The following ATXN7 variants were observed in gnomAD, a reference collection of about 807,000 sequenced individuals.
ATXN7 encodes ataxin-7.
A neutral mutation model predicts 70.5 loss-of-function variants in ATXN7; 12 were observed. That is an observed-to-expected ratio of 0.17 (90% CI 0.11 to 0.28). The LOEUF is 0.28. ATXN7 is among the 10% of genes least tolerant of loss of function. The probability of loss-of-function intolerance (pLI) is 1.00; values close to 1 mark genes in which losing one functional copy is unlikely to be tolerated. For synonymous variants in ATXN7, 498 were observed against 448.7 expected, an observed-to-expected ratio of 1.11 and a Z score of -1.39; for missense variants, 1,256 against 1,131.7, an observed-to-expected ratio of 1.11 and a Z score of -1.58.
At chr3:63,872,684 G>C (rs1442266762) in intron 1 of ATXN7, among the ~76,000 whole-genome samples, 1 of 152,192 alleles carries the variant, frequency 6.6e-6, no homozygotes, top group African/African-American at 2.4e-5. Context: ...GCACAGGATA[G>C]CCTACAGGGA....
intron 8 of ATXN7, among the ~76,000 whole-genome samples, chr3:63,987,730 G>T (rs538716908): frequency 1.3e-5 from 2 of 152,090 alleles, no homozygotes; most frequent in Non-Finnish European, 2.9e-5. Context: ...CCAAATTGCT[G>T]TTGTGTCACA....
chr3:63,954,267 T>C (rs770507078), intron 5 of ATXN7, among the ~76,000 whole-genome samples: 3 of 152,188 alleles, frequency 2.0e-5, no homozygotes, highest in Non-Finnish European at 2.9e-5. Context: ...CTGCCACATA[T>C]GGCTGCACAG....
At chr3:63,990,639 T>TGTC in intron 10 of ATXN7, 99 bp from the exon 11 acceptor site, 1 of 1,571,822 alleles carries the variant, frequency 6.4e-7, no homozygotes. Flanking sequence ...GAGGCAGTTC[T>TGTC]GTCTTTCCTG....
chr3:63,936,917 A>G (rs960637121), intron 4 of ATXN7, among the ~76,000 whole-genome samples: 1 of 152,212 alleles, frequency 6.6e-6, no homozygotes, highest in Non-Finnish European at 1.5e-5. Flanking sequence ...AGCTTATAGT[A>G]AAGAATGAAA....
intron 5 of ATXN7, among the ~76,000 whole-genome samples, chr3:63,975,123 A>G (rs989908405): frequency 1.3e-5 from 2 of 152,214 alleles, no homozygotes; most frequent in African/African-American, 4.8e-5. Context: ...TTCTTAGTAT[A>G]TCGGTGGCTT....
intron 5 of ATXN7, chr3:63,967,971 A>G: frequency 1.3e-6 from 2 of 1,535,372 alleles, no homozygotes; most frequent in Middle Eastern, 1.7e-4. Context: ...TGAAAGCTCC[A>G]CTGGGTAAGT....
At chr3:63,942,109 T>G (rs1014755921) in intron 4 of ATXN7, among the ~76,000 whole-genome samples, 1 of 152,206 alleles carries the variant, frequency 6.6e-6, no homozygotes, top group African/African-American at 2.4e-5. Context: ...CGCAGGAGTC[T>G]GCTGGCAGAT....
chr3:63,901,147 G>A (rs1703626501), intron 2 of ATXN7: 1 of 152,218 alleles, frequency 6.6e-6, no homozygotes, highest in Middle Eastern at 3.4e-3. Context: ...AGTAAAAATT[G>A]GATATGTTTA....
In ATXN7 at chr3:63,912,721, G is replaced by C. The variant is rs1704093082; in HGVS notation, c.123G>C (p.Pro41=). The stretch of plus-strand genomic sequence containing the variant: ...AGCAGCAGCAGCAGCAGCAGCCGCC[G>C]CCTCCGCAGCCCCAGCGGCAGCAGC... ...QQQQQQQQQP[P]PPQPQRQQHP... is the part of the protein sequence containing the mutation. The change falls in exon 3 of 13, where the codon CCG becomes CCC. Residue 41 remains proline, a synonymous_variant. Coordinates refer to ENST00000674280, the MANE Select transcript of ATXN7 (RefSeq NM_001377405.1). The C allele has an allele frequency of 2.4e-6, 3 of 1,234,282 alleles. No homozygotes were observed. The highest frequency in any genetic ancestry group is 3.2e-5 in the South Asian group (1 of 31,608). The allele number at this position is 1,234,282 out of a possible 1,614,324, so 76.5% of individuals were successfully genotyped here. A position where few individuals can be genotyped will look rare whatever the true frequency, so the allele number is the denominator to read the frequency against.
At chr3:63,933,007 C>T (rs1033692061) in intron 4 of ATXN7, among the ~76,000 whole-genome samples, 3 of 152,340 alleles carry the variant, frequency 2.0e-5, no homozygotes, top group Non-Finnish European at 2.9e-5. Context: ...CTTTTACCGA[C>T]AGTCCTACAG....
chr3:63,863,814 C>T (rs1702309355), upstream of ATXN7: 2 of 1,234,142 alleles, frequency 1.6e-6, no homozygotes, highest in African/African-American at 3.2e-5. Flanking sequence ...GCGGCGGCGG[C>T]GGCGGCGGCG....
intron 11 of ATXN7, among the ~76,000 whole-genome samples, chr3:63,991,505 AG>A (rs1425264577): frequency 1.3e-5 from 2 of 152,148 alleles, no homozygotes; most frequent in Non-Finnish European, 2.9e-5. Context: ...GAGAAACAGC[AG>A]TCACTGGGAC....
At chr3:63,994,753 C>T (rs144927153) in intron 11 of ATXN7, among the ~76,000 whole-genome samples, 49 of 152,272 alleles carry the variant, frequency 3.2e-4, no homozygotes, top group African/African-American at 1.1e-3. Flanking sequence ...TCTGCCACCT[C>T]GGTTTAAATT....
intron 11 of ATXN7, among the ~76,000 whole-genome samples, chr3:63,993,698 C>G (rs997028610): frequency 2.0e-5 from 3 of 152,136 alleles, no homozygotes; most frequent in Admixed American, 1.3e-4. Context: ...GATTGCCTCC[C>G]GGAGAGATCC....
chr3:63,956,625 A>G (rs536273040), intron 5 of ATXN7, among the ~76,000 whole-genome samples: 3 of 152,210 alleles, frequency 2.0e-5, no homozygotes, highest in Admixed American at 6.5e-5. Context: ...TCTGCATTCT[A>G]AACAGCTCCC....
chr3:63,930,691 G>A (rs377663248), intron 4 of ATXN7, among the ~76,000 whole-genome samples: 1 of 152,058 alleles, frequency 6.6e-6, no homozygotes, highest in South Asian at 2.1e-4. Flanking sequence ...ACCACGCCCG[G>A]CTAATTTTTT....
At chr3:63,975,907 C>A (rs2075381545) in intron 5 of ATXN7, among the ~76,000 whole-genome samples, 1 of 152,210 alleles carries the variant, frequency 6.6e-6, no homozygotes, top group Non-Finnish European at 1.5e-5. Context: ...TGTCTCTGCT[C>A]TTTTCTTGTG....
At chr3:63,918,767 T>C (rs1047819663) in intron 4 of ATXN7, among the ~76,000 whole-genome samples, 2 of 152,210 alleles carry the variant, frequency 1.3e-5, no homozygotes, top group East Asian at 1.9e-4. Flanking sequence ...TTATATCTTA[T>C]GTGCAGATAT....
At chr3:63,943,033 A>T (rs1393114452) in intron 4 of ATXN7, among the ~76,000 whole-genome samples, 1 of 152,188 alleles carries the variant, frequency 6.6e-6, no homozygotes, top group Non-Finnish European at 1.5e-5. Context: ...TTAAATCTTA[A>T]TGAAGGAGAT....
Sources: gnomAD v4.1 joint callset for allele counts (sites outside exome capture counted in the v4.1 genomes callset) on GRCh38, gnomAD v4.1.1 for gene constraint, MANE v1.5 for transcripts, NCBI Gene and HGNC (gene_info 2026-07-23, HGNC 2026-07-21) for gene names.